VOPP1: variants seen among roughly 807,000 people sequenced by gnomAD.
The protein encoded by VOPP1 is VOPP1 WW domain binding protein.
VOPP1 carries 8 observed loss-of-function variants against 23.5 expected under a neutral mutation model. That is an observed-to-expected ratio of 0.34 (90% confidence interval 0.20 to 0.61). The LOEUF (loss-of-function observed/expected upper bound fraction) is 0.61, where lower values mean the gene tolerates loss of function less well. Among genes scored for constraint, VOPP1 ranks in the 20% least tolerant of loss-of-function variants. The probability of loss-of-function intolerance (pLI) is 0.78; values close to 1 mark genes in which losing one functional copy is unlikely to be tolerated. For missense variants in VOPP1, 174 were observed against 238.1 expected, an observed-to-expected ratio of 0.73 and a Z score of 1.77; for synonymous variants, 83 against 97.3, an observed-to-expected ratio of 0.85 and a Z score of 0.86.
chr7:55,450,724 G>C (rs2129001547), intron 4 of VOPP1, among the ~76,000 whole-genome samples: 1 of 152,342 alleles, frequency 6.6e-6, no homozygotes, highest in South Asian at 2.1e-4. Context: ...AAGCTTTAAA[G>C]TAAGATGCAA....
At chr7:55,554,104 G>C (rs1473480474) in intron 1 of VOPP1, among the ~76,000 whole-genome samples, 1 of 152,260 alleles carries the variant, frequency 6.6e-6, no homozygotes, top group Non-Finnish European at 1.5e-5. Flanking sequence ...GTAAAGAAGA[G>C]AGACAGAGAG....
intron 1 of VOPP1, among the ~76,000 whole-genome samples, chr7:55,557,725 T>C (rs957765747): frequency 2.0e-5 from 3 of 152,330 alleles, no homozygotes; most frequent in East Asian, 3.9e-4. Context: ...GGATGCTGAC[T>C]GATTTGCATT....
intron 2 of VOPP1, among the ~76,000 whole-genome samples, chr7:55,512,498 G>T (rs773927369): frequency 2.6e-5 from 4 of 152,184 alleles, no homozygotes; most frequent in Non-Finnish European, 5.9e-5. Context: ...AAGATCACCA[G>T]TGAAAATTTC....
intron 4 of VOPP1, among the ~76,000 whole-genome samples, chr7:55,487,439 A>G (rs901195704): frequency 2.6e-5 from 4 of 152,224 alleles, no homozygotes; most frequent in African/African-American, 7.2e-5. Flanking sequence ...GTGGAATTCC[A>G]TAGTTGAACT....
chr7:55,440,782 C>T (rs1790945099), intron 4 of VOPP1, among the ~76,000 whole-genome samples: 1 of 152,138 alleles, frequency 6.6e-6, no homozygotes, highest in Non-Finnish European at 1.5e-5. Context: ...CAGAGACAGG[C>T]CGGATGTATT....
At chr7:55,557,397 C>T (rs1330974634) in intron 1 of VOPP1, among the ~76,000 whole-genome samples, 1 of 151,560 alleles carries the variant, frequency 6.6e-6, no homozygotes, top group Non-Finnish European at 1.5e-5. Flanking sequence ...CACATTGCCA[C>T]CATCATCTGG....
chr7:55,513,930 T>G (rs1481842628), intron 2 of VOPP1, among the ~76,000 whole-genome samples: 1 of 152,242 alleles, frequency 6.6e-6, no homozygotes, highest in Non-Finnish European at 1.5e-5. Flanking sequence ...GCCAGCTCTC[T>G]CTGGCTTATT....
intron 4 of VOPP1, among the ~76,000 whole-genome samples, chr7:55,475,177 C>A (rs1368381016): frequency 6.6e-6 from 1 of 152,172 alleles, no homozygotes; most frequent in African/African-American, 2.4e-5. Flanking sequence ...GGGGTAGGGA[C>A]AGACACAGGA....
rs568423856 is a variant in VOPP1 at position 55,473,909 on chromosome 7, GTTT to G, written c.329-867_329-865del. Among the ~76,000 whole-genome samples, 638 of 152,052 alleles carry G rather than the reference GTTT, an allele frequency of 4.2e-3. 8 individuals are homozygous for G. Among genetic ancestry groups the G allele is most frequent in the African/African-American group, 0.015 (605 of 41,468 alleles). On this transcript the variant is annotated intron_variant, in intron 4 of 4. Coordinates refer to ENST00000285279, the MANE Select transcript of VOPP1 (RefSeq NM_030796.5). ...TGCCCCTGTGTGAATATTGTGTAGG[GTTT>G]TTTTTCTTTTTTTGCAATTCTCCCC... is the stretch of plus-strand genomic sequence containing the variant.
intron 1 of VOPP1, 100 bp from the exon 2 acceptor site, chr7:55,521,230 T>A: frequency 8.0e-7 from 1 of 1,244,894 alleles, no homozygotes; most frequent in Non-Finnish European, 1.1e-6. Context: ...AGACACAGCT[T>A]AACCCATGAA....
Position 55,470,719 on chromosome 7 carries a change from C to A in VOPP1, c.*2136G>T, listed in dbSNP as rs367632994. 13 of 152,446 alleles carry A rather than the reference C, an allele frequency of 8.5e-5. No individual in the cohort carries two copies. The East Asian group carries it at 2.1e-3, about 25-fold the overall frequency. The allele number at this position is 152,446 out of a possible 1,614,324, so 9.4% of individuals were successfully genotyped here. A position where few individuals can be genotyped will look rare whatever the true frequency, so the allele number is the denominator to read the frequency against. ...TTGCAGAGGAAAAGCATGCACAGAT[C>A]TGCTTCAAGTTTACTCTGAACCACG... On this transcript the variant is annotated 3_prime_UTR_variant, in exon 5 of 5. Transcript: ENST00000285279.
chr7:55,518,845 G>C (rs1451672049), intron 2 of VOPP1, among the ~76,000 whole-genome samples: 1 of 152,160 alleles, frequency 6.6e-6, no homozygotes, highest in African/African-American at 2.4e-5. Context: ...AAAGTGACAT[G>C]GAAATTTACA....
At chr7:55,530,777 C>A (rs951940781) in intron 1 of VOPP1, 1 of 152,186 alleles carries the variant, frequency 6.6e-6, no homozygotes, top group Admixed American at 6.5e-5. Flanking sequence ...TCCATGCCCC[C>A]AAAATAACCT....
intron 4 of VOPP1, among the ~76,000 whole-genome samples, chr7:55,491,309 C>A (rs908542689): frequency 3.9e-5 from 6 of 152,224 alleles, no homozygotes; most frequent in Admixed American, 2.6e-4. Flanking sequence ...CTACACTGTA[C>A]AATAGATCTC....
At chr7:55,524,467 G>A (rs1187029024) in intron 1 of VOPP1, among the ~76,000 whole-genome samples, 3 of 152,162 alleles carry the variant, frequency 2.0e-5, no homozygotes. Context: ...TTTGGTAGCT[G>A]GACTTTTGTA....
At chr7:55,496,312 A>G (rs1562927039) in intron 3 of VOPP1, among the ~76,000 whole-genome samples, 1 of 152,236 alleles carries the variant, frequency 6.6e-6, no homozygotes, top group African/African-American at 2.4e-5. Flanking sequence ...GAGGCTCCGG[A>G]GCAAGGCCTG....
intron 3 of VOPP1, among the ~76,000 whole-genome samples, chr7:55,497,022 G>A (rs1490474844): frequency 6.6e-6 from 1 of 152,218 alleles, no homozygotes; most frequent in Non-Finnish European, 1.5e-5. Flanking sequence ...GGGCACTCCA[G>A]CAGGCGTCCT....
chr7:55,444,513 C>T (rs1234548983), intron 4 of VOPP1, among the ~76,000 whole-genome samples: 1 of 150,366 alleles, frequency 6.7e-6, no homozygotes, highest in Admixed American at 6.8e-5. Context: ...GCATTGTATT[C>T]AGTGTAGAAT....
At chr7:55,482,721 C>T (rs1792835529) in intron 4 of VOPP1, among the ~76,000 whole-genome samples, 1 of 152,022 alleles carries the variant, frequency 6.6e-6, no homozygotes, top group Non-Finnish European at 1.5e-5. Context: ...AGAGACCATA[C>T]ACTTGAAACA....
Sources: gnomAD v4.1 joint callset for allele counts (sites outside exome capture counted in the v4.1 genomes callset) on GRCh38, gnomAD v4.1.1 for gene constraint, MANE v1.5 for transcripts, NCBI Gene and HGNC (gene_info 2026-07-23, HGNC 2026-07-21) for gene names.